The following MTUS2 variants were observed in gnomAD, a reference collection of about 807,000 sequenced individuals.
MTUS2 encodes the protein microtubule-associated tumor suppressor candidate 2.
Under a neutral mutation model 114.1 loss-of-function variants are expected in MTUS2, and 40 were observed. That is an observed-to-expected ratio of 0.35 (90% CI 0.27 to 0.46). The LOEUF (loss-of-function observed/expected upper bound fraction) is 0.46. MTUS2 is among the 20% of genes least tolerant of loss of function. The pLI, the probability that MTUS2 is intolerant of heterozygous loss-of-function variation, is 1.00. For synonymous variants in MTUS2, 688 were observed against 672.0 expected, an observed-to-expected ratio of 1.02 and a Z score of -0.37; for missense variants, 1,679 against 1,705.4, an observed-to-expected ratio of 0.98 and a Z score of 0.27.
chr13:29,425,822 G>A (rs986335699), intron 8 of MTUS2, among the ~76,000 whole-genome samples: 1 of 152,280 alleles, frequency 6.6e-6, no homozygotes, highest in Middle Eastern at 3.4e-3. Flanking sequence ...AGTGCCCTCT[G>A]TGCCCAAGAA....
At chr13:29,462,551 G>T (rs554509787) in intron 9 of MTUS2, among the ~76,000 whole-genome samples, 1 of 152,254 alleles carries the variant, frequency 6.6e-6, no homozygotes, top group Non-Finnish European at 1.5e-5. Flanking sequence ...CCAAATTCCA[G>T]ATGTAGTGAA....
At chr13:29,000,541 G>T (rs1388515767) in intron 2 of MTUS2, among the ~76,000 whole-genome samples, 44 of 151,786 alleles carry the variant, frequency 2.9e-4, no homozygotes, top group Admixed American at 2.9e-3. Context: ...TTTTTTTGTA[G>T]TTTTGGTAGA....
intron 4 of MTUS2, among the ~76,000 whole-genome samples, chr13:29,042,407 G>A (rs185091400): frequency 6.6e-6 from 1 of 152,172 alleles, no homozygotes; most frequent in African/African-American, 2.4e-5. Flanking sequence ...CGTTCATCAG[G>A]GAGATTGGTC....
At chr13:29,341,032 T>C (rs984076732) in intron 7 of MTUS2, among the ~76,000 whole-genome samples, 2 of 152,240 alleles carry the variant, frequency 1.3e-5, no homozygotes, top group African/African-American at 4.8e-5. Context: ...TACCACATTT[T>C]CTTTATCCAC....
Position 29,101,060 on chromosome 13 carries a change from T to G in MTUS2, c.2644+90T>G, listed in dbSNP as rs1890399148. On this transcript the variant is annotated intron_variant, in intron 5 of 15. Coordinates refer to ENST00000612955, the MANE Select transcript of MTUS2 (RefSeq NM_001033602.4). ...TGTGTCATTTTCTTTGCATGATTAT[T>G]TAAGAATTTGCATCACCTCCCTTAG... 3 of 1,344,800 alleles carry G rather than the reference T, an allele frequency of 2.2e-6. No homozygotes were observed. In the African/African-American group the frequency reaches 4.4e-5, roughly 20 times the overall value. 83.3% of individuals were successfully genotyped at this position (1,344,800 alleles called of 1,614,324 possible).
At chr13:29,091,032 A>G (rs763527850) in intron 4 of MTUS2, among the ~76,000 whole-genome samples, 16 of 151,980 alleles carry the variant, frequency 1.1e-4, no homozygotes, top group Non-Finnish European at 2.1e-4. Context: ...GCCACTTGGG[A>G]CCCACAGTGA....
At chr13:28,996,470 A>C (rs923940994) in intron 2 of MTUS2, among the ~76,000 whole-genome samples, 2 of 152,190 alleles carry the variant, frequency 1.3e-5, no homozygotes, top group Non-Finnish European at 2.9e-5. Context: ...TTCAGAAGGA[A>C]TGGTAGCAGC....
intron 1 of MTUS2, among the ~76,000 whole-genome samples, chr13:28,834,451 A>C (rs1874927778): frequency 6.6e-6 from 1 of 152,146 alleles, no homozygotes; most frequent in Admixed American, 6.5e-5. Context: ...TGATCTTTTT[A>C]ATAAATGGTG....
intron 2 of MTUS2, among the ~76,000 whole-genome samples, chr13:28,957,259 A>T (rs1374913185): frequency 1.3e-5 from 2 of 152,202 alleles, no homozygotes; most frequent in Admixed American, 1.3e-4. Flanking sequence ...TTCCTTACAC[A>T]TAAAAAAATT....
chr13:28,943,970 AT>A (rs1882379926), intron 2 of MTUS2, among the ~76,000 whole-genome samples: 2 of 152,050 alleles, frequency 1.3e-5, no homozygotes, highest in South Asian at 2.1e-4. Flanking sequence ...TGCTAAAAAT[AT>A]TTTTTCCTAG....
chr13:29,482,031 G>A (rs986308527), intron 10 of MTUS2: 4 of 152,126 alleles, frequency 2.6e-5, no homozygotes, highest in Non-Finnish European at 4.4e-5. Flanking sequence ...AACCTGGTAT[G>A]AATACCAGCT....
At chr13:28,871,030 G>A in intron 2 of MTUS2, among the ~76,000 whole-genome samples, 1 of 152,072 alleles carries the variant, frequency 6.6e-6, no homozygotes, top group Non-Finnish European at 1.5e-5. Context: ...GAGAGACATG[G>A]CCCCACCTAC....
intron 2 of MTUS2, among the ~76,000 whole-genome samples, chr13:28,946,307 G>GCA (rs1566243062): frequency 1.8e-4 from 27 of 145,976 alleles, no homozygotes; most frequent in African/African-American, 5.0e-4. Context: ...GTGTGTGTGC[G>GCA]CGCGCACATA....
chr13:29,056,013 T>C (rs1888118731), intron 4 of MTUS2, among the ~76,000 whole-genome samples: 1 of 152,134 alleles, frequency 6.6e-6, no homozygotes, highest in Admixed American at 6.6e-5. Flanking sequence ...GTATTGTCTG[T>C]TTACTCTGTT....
chr13:29,072,274 C>G (rs1888975039), intron 4 of MTUS2: 1 of 152,020 alleles, frequency 6.6e-6, no homozygotes, highest in Non-Finnish European at 1.5e-5. Context: ...TTAATTCTAC[C>G]TCTTACAATT....
At chr13:28,858,491 G>A (rs561230661) in intron 2 of MTUS2, among the ~76,000 whole-genome samples, 7 of 152,194 alleles carry the variant, frequency 4.6e-5, no homozygotes, top group African/African-American at 1.7e-4. Flanking sequence ...AGGCAGGTAG[G>A]ACAGGCAGAA....
At chr13:29,268,158 C>T (rs1420522225) in intron 5 of MTUS2, among the ~76,000 whole-genome samples, 1 of 152,098 alleles carries the variant, frequency 6.6e-6, no homozygotes, top group Non-Finnish European at 1.5e-5. Flanking sequence ...GTTCCCCACC[C>T]CCTGACAGGC....
At position 29,389,317 on chromosome 13, in the gene MTUS2, ACACATATGTGTGTATATATGTATG is replaced by A. The variant is rs200366283; in HGVS notation, c.3117+29848_3117+29871del. On this transcript the variant is annotated intron_variant, in intron 8 of 15. Transcript: ENST00000612955. ...TGTGTGTATATGTGTATATATGTATACACATATGTGTGTATATATGTATGCACGTGTGTGTATATATGTATGCAC... is the reference window on the plus strand; with the variant it reads ...TGTGTGTATATGTGTATATATGTATACACGTGTGTGTATATATGTATGCAC... Among the ~76,000 whole-genome samples, 20 of 118,616 alleles carry A rather than the reference ACACATATGTGTGTATATATGTATG, an allele frequency of 1.7e-4. 2 individuals carry two copies. Among genetic ancestry groups the A allele is most frequent in the Admixed American group, 5.6e-4 (6 of 10,726 alleles). The allele number at this position is 118,616 out of a possible 152,430, so 77.8% of individuals were successfully genotyped here.
At chr13:29,177,976 C>A (rs2139144977) in intron 5 of MTUS2, among the ~76,000 whole-genome samples, 1 of 152,246 alleles carries the variant, frequency 6.6e-6, no homozygotes, top group South Asian at 2.1e-4. Flanking sequence ...ATGTGATGAC[C>A]ATGGCTTTTT....
Sources: gnomAD v4.1 joint callset for allele counts (sites outside exome capture counted in the v4.1 genomes callset) on GRCh38, gnomAD v4.1.1 for gene constraint, MANE v1.5 for transcripts, NCBI Gene and HGNC (gene_info 2026-07-23, HGNC 2026-07-21) for gene names.